Variants in C6orf163 observed in about 807,000 individuals in gnomAD.
C6orf163 encodes the protein chromosome 6 open reading frame 163, also known as uncharacterized protein C6orf163.
C6orf163 carries 22 observed loss-of-function variants against 28.4 expected under a neutral mutation model. That is an observed-to-expected ratio of 0.78 (90% CI 0.55 to 1.11). The LOEUF (loss-of-function observed/expected upper bound fraction) is 1.11. C6orf163 is among the 50% of genes least tolerant of loss of function. The probability of loss-of-function intolerance (pLI) is 0.00; values close to 1 mark genes in which losing one functional copy is unlikely to be tolerated. For synonymous variants in C6orf163, 110 were observed against 123.6 expected, an observed-to-expected ratio of 0.89 and a Z score of 0.73; for missense variants, 342 against 389.1, an observed-to-expected ratio of 0.88 and a Z score of 1.02.
intron 3 of C6orf163, among the ~76,000 whole-genome samples, chr6:87,355,483 C>G (rs971203606): frequency 2.6e-5 from 4 of 152,028 alleles, no homozygotes; most frequent in African/African-American, 9.7e-5. Flanking sequence ...ACTGCCTGAG[C>G]CTGGGAGGTG....
At chr6:87,349,263 GAAAA>G (rs966065328) in intron 2 of C6orf163, among the ~76,000 whole-genome samples, 7 of 150,894 alleles carry the variant, frequency 4.6e-5, no homozygotes, top group African/African-American at 1.7e-4. Context: ...AAACTAAAAA[GAAAA>G]AAAAATGTCT....
intron 1 of C6orf163, among the ~76,000 whole-genome samples, chr6:87,346,052 G>A (rs961886972): frequency 2.7e-5 from 4 of 147,464 alleles, no homozygotes; most frequent in South Asian, 2.2e-4. Context: ...CTGTACATAC[G>A]TATGTATATA....
intron 1 of C6orf163, among the ~76,000 whole-genome samples, chr6:87,345,933 AAAAAAAAT>A (rs1777315708): frequency 6.6e-6 from 1 of 150,540 alleles, no homozygotes; most frequent in South Asian, 2.1e-4. Flanking sequence ...AAAAAAAAAA[AAAAAAAAT>A]TTTAAAGTAC....
chr6:87,347,706 G>A, intron 1 of C6orf163: 1 of 985,378 alleles, frequency 1.0e-6, no homozygotes, highest in Non-Finnish European at 1.2e-6. Context: ...AGAAACCCAA[G>A]GGAAATCTGG....
rs1344023622 is a variant in C6orf163, at chr6:87,356,227, TTAAA to T, written c.352-71_352-68del. 61 of 1,234,384 alleles carry T rather than the reference TTAAA, an allele frequency of 4.9e-5. 1 individual carries two copies. The Middle Eastern group carries it at 2.3e-3, about 46-fold the overall frequency. The allele number at this position is 1,234,384 out of a possible 1,614,324, so 76.5% of individuals were successfully genotyped here. A position where few individuals can be genotyped will look rare whatever the true frequency, so the allele number is the denominator to read the frequency against. The stretch of plus-strand genomic sequence containing the variant: ...GCTAGCAGATAGATAAAACTATGGT[TTAAA>T]TAGCCTCCTAATGTGCAGTTTTAAA... On this transcript the variant is annotated intron_variant, in intron 3 of 4. Coordinates refer to ENST00000388923, the MANE Select transcript of C6orf163 (RefSeq NM_001010868.3).
chr6:87,356,828 T>C (rs1175318755), intron 4 of C6orf163: 1 of 229,734 alleles, frequency 4.4e-6, no homozygotes, highest in African/African-American at 2.3e-5. Context: ...CTAAATATGG[T>C]ATTTTTCATT....
chr6:87,351,086 C>G (rs1777405055), intron 3 of C6orf163, among the ~76,000 whole-genome samples: 1 of 152,222 alleles, frequency 6.6e-6, no homozygotes, highest in Non-Finnish European at 1.5e-5. Flanking sequence ...ATGAAGGTTA[C>G]TAACCTGTAG....
chr6:87,348,853 G>C lies in C6orf163; in HGVS notation c.190G>C (p.Glu64Gln). 6.5e-7 allele frequency: 1 copy of C among 1,537,682 alleles called. No individual in the cohort carries two copies. Among genetic ancestry groups the C allele is most frequent in the Non-Finnish European group, 8.7e-7 (1 of 1,146,990 alleles). The change falls in exon 2 of 5, where the codon GAA becomes CAA. Residue 64 changes from glutamate to glutamine, a missense_variant. Glu to Gln is a conservative substitution (Grantham distance 29). Transcript: ENST00000388923. ...TCTGAAAAAAGAAGAGCAGTTTCAAGAAGATATACTCAGAGAACACATTGC... is the reference window on the plus strand; with the variant it reads ...TCTGAAAAAAGAAGAGCAGTTTCAACAAGATATACTCAGAGAACACATTGC... ...NILKKEEQFQ[E>Q]DILREHIAKA...
chr6:87,346,234 T>C (rs1777321980), intron 1 of C6orf163, among the ~76,000 whole-genome samples: 1 of 152,142 alleles, frequency 6.6e-6, no homozygotes, highest in South Asian at 2.1e-4. Flanking sequence ...TCACTCCTGA[T>C]ATTTGAAAAT....
In C6orf163 at chr6:87,365,336, A is replaced by G. The variant is rs1044559720; in HGVS notation, c.930A>G (p.Pro310=). 7 of 1,550,630 alleles carry G rather than the reference A, an allele frequency of 4.5e-6. No individual in the cohort carries two copies. In the African/African-American group the frequency reaches 8.2e-5, roughly 18 times the overall value. Residue 310 remains proline, a synonymous_variant, in exon 5 of 5, where the codon CCA becomes CCG. Coordinates refer to ENST00000388923, the MANE Select transcript of C6orf163 (RefSeq NM_001010868.3). ...CAGGACATGCAGATTTTATTCTGCC[A>G]GAAAGAAAGAAAACACCTTCTAATC... ...LSPGHADFIL[P]ERKKTPSNLV...
intron 2 of C6orf163, among the ~76,000 whole-genome samples, chr6:87,349,817 A>G (rs1293254008): frequency 6.6e-6 from 1 of 152,140 alleles, no homozygotes; most frequent in African/African-American, 2.4e-5. Context: ...ATTAGTGGTA[A>G]AATTCAAACT....
chr6:87,361,616 A>AT lies in C6orf163; in HGVS notation c.555-3344dup, dbSNP rs576849965. On this transcript the variant is annotated intron_variant, in intron 4 of 4. Transcript: ENST00000388923. ...CCCTGGTCATCACCCTGACAATCTC[A>AT]TCAACAGCCTGAGGATGTTATCAGA... is the stretch of plus-strand genomic sequence containing the variant. 3.5e-4 allele frequency among the ~76,000 whole-genome samples: 53 copies of AT among 152,296 alleles called. 2 individuals are homozygous for AT. The South Asian group carries it at 1.0e-2, about 29-fold the overall frequency.
chr6:87,345,234 CAA>C lies in C6orf163; in HGVS notation c.137_138del (p.Lys46ArgfsTer31), dbSNP rs1264482221. 22 of 1,527,814 alleles carry C rather than the reference CAA, an allele frequency of 1.4e-5. No homozygotes were observed. The highest frequency in any genetic ancestry group is 1.9e-5 in the Non-Finnish European group (22 of 1,144,482). The allele number at this position is 1,527,814 out of a possible 1,614,324, so 94.6% of individuals were successfully genotyped here. ...CACTTAAGACACGCTTTTACACTCA[CAA>C]AGACATACTAGGTAAGTGACTTTAT... is the stretch of plus-strand genomic sequence containing the variant. ...KPLKTRFYTHKDILDIGANIL... is the reference protein window; with the variant it reads ...KPLKTRFYTHXDILDIGANIL... On this transcript the variant is annotated frameshift_variant, in exon 1 of 5. Transcript: ENST00000388923. LOFTEE classifies it high-confidence loss of function.
intron 3 of C6orf163, among the ~76,000 whole-genome samples, chr6:87,354,160 G>A (rs771336433): frequency 6.6e-6 from 1 of 152,088 alleles, no homozygotes; most frequent in Non-Finnish European, 1.5e-5. Flanking sequence ...CACCCAGCAG[G>A]GTTGCTTGAT....
chr6:87,356,729 G>A, intron 4 of C6orf163: 1 of 467,460 alleles, frequency 2.1e-6, no homozygotes, highest in Middle Eastern at 5.8e-4. Context: ...CCCAGCTTAA[G>A]GGATTGAAAA....
intron 3 of C6orf163, among the ~76,000 whole-genome samples, chr6:87,352,202 G>A (rs760972103): frequency 2.6e-5 from 4 of 152,108 alleles, no homozygotes; most frequent in Non-Finnish European, 5.9e-5. Flanking sequence ...GTAGTGTGGG[G>A]TTATTTCAAC....
chr6:87,359,580 G>C (rs1413976989), intron 4 of C6orf163, among the ~76,000 whole-genome samples: 2 of 152,200 alleles, frequency 1.3e-5, no homozygotes, highest in East Asian at 3.8e-4. Flanking sequence ...ATGAAAAGTA[G>C]ATTAATAGCT....
Position 87,345,126 on chromosome 6 carries a change from CTTTG to C in C6orf163, c.32_35del (p.Val11AlafsTer8). 6.5e-7 allele frequency: 1 copy of C among 1,530,916 alleles called. No homozygotes were observed. Among genetic ancestry groups the C allele is most frequent in the Non-Finnish European group, 8.7e-7 (1 of 1,145,086 alleles). The allele number at this position is 1,530,916 out of a possible 1,614,324, so 94.8% of individuals were successfully genotyped here. ...TGATCAGAAATTCAGATTACAAAAA[CTTTG>C]TTTGCTGTGCTGTTTGTAATAAAAT... On this transcript the variant is annotated frameshift_variant, in exon 1 of 5. Coordinates refer to ENST00000388923, the MANE Select transcript of C6orf163 (RefSeq NM_001010868.3). LOFTEE classifies it high-confidence loss of function.
chr6:87,360,919 A>G (rs1777571307), intron 4 of C6orf163, among the ~76,000 whole-genome samples: 1 of 152,100 alleles, frequency 6.6e-6, no homozygotes, highest in South Asian at 2.1e-4. Context: ...GACGCACTGC[A>G]CCCCACCCCA....
Sources: allele counts gnomAD v4.1 joint callset (sites outside exome capture counted in the v4.1 genomes callset), GRCh38; gene constraint gnomAD v4.1.1; transcripts MANE v1.5; gene names NCBI Gene and HGNC (gene_info 2026-07-23, HGNC 2026-07-21).